Variants in PCDH15 observed in about 807,000 individuals in gnomAD.
PCDH15 encodes the protein protocadherin-15.
Under a neutral mutation model 178.5 loss-of-function variants are expected in PCDH15, and 129 were observed. The ratio of observed to expected loss-of-function variants is 0.72; its 90% CI spans 0.63 to 0.84. The LOEUF is 0.84. Among genes scored for constraint, PCDH15 ranks in the 40% least tolerant of loss-of-function variants. The pLI, the probability that PCDH15 is intolerant of heterozygous loss-of-function variation, is 0.00. For synonymous variants in PCDH15, 800 were observed against 732.0 expected, an observed-to-expected ratio of 1.09 and a Z score of -1.50; for missense variants, 2,230 against 2,099.9, an observed-to-expected ratio of 1.06 and a Z score of -1.21.
At chr10:54,865,853 CAG>C (rs1484502243) in intron 3 of PCDH15, among the ~76,000 whole-genome samples, 3 of 152,088 alleles carry the variant, frequency 2.0e-5, no homozygotes, top group Admixed American at 1.3e-4. Context: ...GAAGAAAATT[CAG>C]AGTTATTCTG....
At chr10:55,151,354 T>C (rs981290733) in intron 2 of PCDH15, among the ~76,000 whole-genome samples, 6 of 152,188 alleles carry the variant, frequency 3.9e-5, no homozygotes, top group Non-Finnish European at 8.8e-5. Flanking sequence ...AAAATTAAAA[T>C]GATAAGGAAT....
At chr10:53,847,284 G>A (rs2078036829) in intron 28 of PCDH15, among the ~76,000 whole-genome samples, 1 of 151,996 alleles carries the variant, frequency 6.6e-6, no homozygotes, top group Non-Finnish European at 1.5e-5. Flanking sequence ...TTTTGTTGAG[G>A]TAAATGGCTT....
At chr10:54,532,595 T>C (rs778888124) in intron 2 of PCDH15, among the ~76,000 whole-genome samples, 1 of 152,148 alleles carries the variant, frequency 6.6e-6, no homozygotes, top group Non-Finnish European at 1.5e-5. Flanking sequence ...ATTTACTGAA[T>C]GCAAAAACAA....
rs369029215 is a variant in PCDH15, at chr10:53,995,710, G to C, written c.2807C>G (p.Ala936Gly). The C allele has an allele frequency of 6.2e-7, 1 of 1,613,854 alleles. No homozygotes were observed. Among genetic ancestry groups the C allele is most frequent in the Non-Finnish European group, 8.5e-7 (1 of 1,179,822 alleles). ...AGGTGTACCCTTGACTGCATCCGGA[G>C]CCACCATCCCTTTGTATATTCGTTT... ...FSKRIYKGMV[A>G]PDAVKGTPIT... Residue 936 changes from alanine (A) to glycine (G), a missense_variant, in exon 21 of 38, where the codon GCT (alanine) becomes GGT (glycine). Coordinates refer to ENST00000644397, the MANE Select transcript of PCDH15 (RefSeq NM_001384140.1).
At chr10:54,755,882 C>G (rs1171587418) in intron 1 of PCDH15, among the ~76,000 whole-genome samples, 1 of 152,028 alleles carries the variant, frequency 6.6e-6, no homozygotes, top group Non-Finnish European at 1.5e-5. Flanking sequence ...GTGCGTAGAG[C>G]ACAATGGATG....
chr10:54,894,793 ATG>A (rs1954519899), intron 3 of PCDH15, among the ~76,000 whole-genome samples: 1 of 152,168 alleles, frequency 6.6e-6, no homozygotes, highest in Admixed American at 6.6e-5. Context: ...TGCTTCCTTA[ATG>A]TCCTTTGGGC....
At chr10:53,899,284 T>A (rs553616744) in intron 26 of PCDH15, among the ~76,000 whole-genome samples, 54 of 152,224 alleles carry the variant, frequency 3.5e-4, no homozygotes, top group African/African-American at 1.3e-3. Context: ...CCTAAGTTTT[T>A]AAGTATATTA....
At chr10:54,733,214 C>T (rs918503875) in intron 1 of PCDH15, among the ~76,000 whole-genome samples, 12 of 151,400 alleles carry the variant, frequency 7.9e-5, no homozygotes, top group Admixed American at 4.0e-4. Context: ...ACATGATTAT[C>T]TATGTAGAAA....
chr10:53,861,186 CT>C (rs1301372602), intron 27 of PCDH15, among the ~76,000 whole-genome samples: 2 of 152,108 alleles, frequency 1.3e-5, no homozygotes, highest in African/African-American at 4.8e-5. Context: ...ATTTATGCTA[CT>C]TTTCCAGTAT....
At chr10:55,399,502 G>A (rs190714553) in intron 2 of PCDH15, among the ~76,000 whole-genome samples, 65 of 152,198 alleles carry the variant, frequency 4.3e-4, no homozygotes, top group African/African-American at 1.6e-3. Flanking sequence ...AGGAAATAAT[G>A]ACGACTAGGC....
Position 55,264,939 on chromosome 10 carries a change from G to A in PCDH15, c.-156+54660C>T, listed in dbSNP as rs538142971. Among the ~76,000 whole-genome samples the A allele has an allele frequency of 4.9e-4, 75 of 152,206 alleles. 1 individual carries two copies. The highest frequency in any genetic ancestry group is 1.6e-3 in the African/African-American group (66 of 41,534). On this transcript the variant is annotated intron_variant, in intron 1 of 5. Transcript: ENST00000458638. ...AGACCTTTGCCAACAGTGTAAGATT[G>A]ACCCAGCCCTCCTGTTTGCTGTCTC... is the stretch of plus-strand genomic sequence containing the variant.
chr10:54,449,698 T>TTA (rs1043827146), intron 3 of PCDH15, among the ~76,000 whole-genome samples: 12 of 151,856 alleles, frequency 7.9e-5, no homozygotes, highest in African/African-American at 2.9e-4. Context: ...TTATACAACA[T>TTA]TTACATTGCA....
At chr10:55,452,063 A>G (rs536853685) in intron 2 of PCDH15, among the ~76,000 whole-genome samples, 85 of 152,220 alleles carry the variant, frequency 5.6e-4, no homozygotes, top group Non-Finnish European at 8.8e-4. Flanking sequence ...TATATTAGAA[A>G]TAAAGAGATA....
rs915592457 is a variant in PCDH15, at chr10:54,174,290, T to A, written c.1590+9154A>T. Among the ~76,000 whole-genome samples, 3 of 151,878 alleles carry A rather than the reference T, an allele frequency of 2.0e-5. No individual in the cohort carries two copies. In the East Asian group the frequency reaches 5.8e-4, roughly 30 times the overall value. On this transcript the variant is annotated intron_variant, in intron 13 of 37. Coordinates refer to ENST00000644397, the MANE Select transcript of PCDH15 (RefSeq NM_001384140.1). ...GCTCACACCTGTAATCCCAGCACTT[T>A]GGGAGGCCGAGGCAGGCAGATCACG...
intron 14 of PCDH15, among the ~76,000 whole-genome samples, chr10:54,140,610 CAG>C (rs2043313145): frequency 6.6e-6 from 1 of 151,982 alleles, no homozygotes; most frequent in African/African-American, 2.4e-5. Context: ...GCTGGGACTA[CAG>C]GTGCTGCCAC....
intron 36 of PCDH15, among the ~76,000 whole-genome samples, chr10:53,810,872 GAATAAC>G (rs1288988023): frequency 6.6e-6 from 1 of 152,052 alleles, no homozygotes; most frequent in Non-Finnish European, 1.5e-5. Flanking sequence ...TGGTACCCTG[GAATAAC>G]AATAAAGAGA....
intron 15 of PCDH15, among the ~76,000 whole-genome samples, chr10:54,100,780 C>T (rs1286850866): frequency 6.6e-6 from 1 of 152,042 alleles, no homozygotes; most frequent in Non-Finnish European, 1.5e-5. Context: ...TGATATGATA[C>T]CATATTAGCA....
chr10:55,279,476 T>C (rs1190935096), intron 1 of PCDH15, among the ~76,000 whole-genome samples: 1 of 152,200 alleles, frequency 6.6e-6, no homozygotes, highest in Non-Finnish European at 1.5e-5. Context: ...ATTGCTTACA[T>C]GTCTTCTGAT....
At chr10:54,110,689 T>C (rs544722318) in intron 15 of PCDH15, among the ~76,000 whole-genome samples, 3 of 152,320 alleles carry the variant, frequency 2.0e-5, no homozygotes, top group East Asian at 3.9e-4. Context: ...CTGAAATTTA[T>C]GTTTTTTAAC....
Sources: gnomAD v4.1 joint callset for allele counts (sites outside exome capture counted in the v4.1 genomes callset) on GRCh38, gnomAD v4.1.1 for gene constraint, MANE v1.5 for transcripts, NCBI Gene and HGNC (gene_info 2026-07-23, HGNC 2026-07-21) for gene names.